CAMK2D: variants seen among roughly 807,000 people sequenced by gnomAD.
CAMK2D encodes calcium/calmodulin dependent protein kinase II delta.
A neutral mutation model predicts 84.0 loss-of-function variants in CAMK2D; 37 were observed. That is an observed-to-expected ratio of 0.44 (90% CI 0.34 to 0.58). CAMK2D has a LOEUF of 0.58. Ranked by LOEUF, CAMK2D falls within the 20% of genes least tolerant of loss-of-function variation. The probability of loss-of-function intolerance (pLI) is 0.02; values close to 1 mark genes in which losing one functional copy is unlikely to be tolerated. For missense variants in CAMK2D, 448 were observed against 652.5 expected (o/e 0.69, Z 3.41); for synonymous variants, 202 against 212.5 (o/e 0.95, Z 0.43).
chr4:113,568,613 C>T (rs1176741407), intron 4 of CAMK2D, among the ~76,000 whole-genome samples: 13 of 152,162 alleles, frequency 8.5e-5, no homozygotes, highest in South Asian at 2.1e-4. Context: ...CTAGATCATA[C>T]GGTAATTCTA....
At chr4:113,681,270 A>G (rs916450047) in intron 2 of CAMK2D, among the ~76,000 whole-genome samples, 3 of 152,162 alleles carry the variant, frequency 2.0e-5, no homozygotes, top group African/African-American at 7.2e-5. Context: ...TGTCAGGGGA[A>G]GGACCTGGTG....
In CAMK2D at chr4:113,451,666, T is replaced by C. The variant is rs887019992; in HGVS notation, c.*2879A>G. ...CAACTATTTATCAATGATATCTCCA[T>C]TCCTGGCCTTGGTTTGGGTTTAGGA... On this transcript the variant is annotated 3_prime_UTR_variant, in exon 21 of 21. Coordinates refer to ENST00000511664, the MANE Select transcript of CAMK2D (RefSeq NM_001321571.2). 1.3e-5 allele frequency: 2 copies of C among 152,220 alleles called. No individual in the cohort carries two copies. Among genetic ancestry groups the C allele is most frequent in the African/African-American group, 4.8e-5 (2 of 41,466 alleles). The allele number at this position is 152,220 out of a possible 1,614,324, so 9.4% of individuals were successfully genotyped here. A position where few individuals can be genotyped will look rare whatever the true frequency, so the allele number is the denominator to read the frequency against.
At chr4:113,547,820 G>A (rs1281048266) in intron 5 of CAMK2D, 104 bp from the exon 6 acceptor site, 1 of 611,760 alleles carries the variant, frequency 1.6e-6, no homozygotes, top group Non-Finnish European at 2.8e-6. Context: ...CAGACAACTG[G>A]GGTTGTATTG....
chr4:113,453,285 T>C lies in CAMK2D; in HGVS notation c.*1260A>G, dbSNP rs770234725. ...AAAACACTTATGAGAATGGCAAACA[T>C]TTGTAAGCCTCTCTAACACTAGAAA... On this transcript the variant is annotated 3_prime_UTR_variant, in exon 21 of 21. Transcript: ENST00000511664. The C allele has an allele frequency of 6.6e-6, 1 of 152,114 alleles. No individual in the cohort carries two copies. The highest frequency in any genetic ancestry group is 1.5e-5 in the Non-Finnish European group (1 of 68,018). The allele number at this position is 152,114 out of a possible 1,614,324, so 9.4% of individuals were successfully genotyped here.
chr4:113,461,637 A>G (rs2154106353), intron 17 of CAMK2D, among the ~76,000 whole-genome samples: 1 of 152,254 alleles, frequency 6.6e-6, no homozygotes, highest in Admixed American at 6.5e-5. Flanking sequence ...AGAGAAGGTG[A>G]CAAGACCTGG....
chr4:113,533,701 T>C (rs2098472312), intron 7 of CAMK2D, among the ~76,000 whole-genome samples: 1 of 151,990 alleles, frequency 6.6e-6, no homozygotes, highest in East Asian at 1.9e-4. Flanking sequence ...AGAAATGTAT[T>C]GCAAATAACA....
At chr4:113,717,749 G>A (rs566015423) in intron 2 of CAMK2D, among the ~76,000 whole-genome samples, 6 of 151,856 alleles carry the variant, frequency 4.0e-5, no homozygotes, top group East Asian at 1.9e-4. Context: ...TATTTCCTTC[G>A]TAATAGTCTT....
chr4:113,513,604 T>G (rs926769998), intron 11 of CAMK2D, among the ~76,000 whole-genome samples: 8 of 152,208 alleles, frequency 5.3e-5, no homozygotes, highest in African/African-American at 1.9e-4. Context: ...ACAGCTGTTT[T>G]CCACTGAAGG....
intron 2 of CAMK2D, among the ~76,000 whole-genome samples, chr4:113,716,022 A>G (rs1480790323): frequency 1.3e-5 from 2 of 152,204 alleles, no homozygotes; most frequent in Admixed American, 6.5e-5. Flanking sequence ...TATTTCAGGT[A>G]CTAGGCTTCT....
chr4:113,612,905 T>C (rs1444951709), intron 3 of CAMK2D, among the ~76,000 whole-genome samples: 1 of 152,206 alleles, frequency 6.6e-6, no homozygotes, highest in African/African-American at 2.4e-5. Context: ...GCATGTATTA[T>C]CACATTTGAA....
intron 2 of CAMK2D, among the ~76,000 whole-genome samples, chr4:113,707,902 C>A (rs2099466906): frequency 6.6e-6 from 1 of 152,168 alleles, no homozygotes; most frequent in Non-Finnish European, 1.5e-5. Context: ...GCATCTGATA[C>A]CAATTCTCTG....
At chr4:113,466,113 G>A (rs2097459429) in intron 16 of CAMK2D, among the ~76,000 whole-genome samples, 1 of 151,566 alleles carries the variant, frequency 6.6e-6, no homozygotes, top group Non-Finnish European at 1.5e-5. Flanking sequence ...AAAATTAGCC[G>A]GGCTTGGTGG....
intron 4 of CAMK2D, among the ~76,000 whole-genome samples, chr4:113,600,092 T>C (rs2098945418): frequency 6.6e-6 from 1 of 152,194 alleles, no homozygotes; most frequent in South Asian, 2.1e-4. Flanking sequence ...AAGGTAAAGC[T>C]ATGGAGACAG....
intron 12 of CAMK2D, 33 bp downstream of exon 12, chr4:113,513,295 A>G (rs1206459551): frequency 6.2e-7 from 1 of 1,606,706 alleles, no homozygotes; most frequent in East Asian, 2.2e-5. Context: ...AAGAAGACCA[A>G]GGGATAAGAA....
Position 113,547,661 on chromosome 4 carries a change from C to G in CAMK2D, c.397G>C (p.Val133Leu), listed in dbSNP as rs1286326686. 6.4e-7 allele frequency: 1 copy of G among 1,568,520 alleles called. No homozygotes were observed. The change falls in exon 6 of 21, where the codon GTC (valine) becomes CTC (leucine). Residue 133 changes from valine (V) to leucine (L), a missense_variant. Physicochemically the swap from Val to Leu is conservative, Grantham distance 32. This residue lies in a region of CAMK2D where 60 missense variants were observed against 70.0 expected (regional missense o/e 0.86). Transcript: ENST00000511664. ...AVLHCHQMGV[V>L]HRDLKPENLL... Reference sequence around the variant, plus strand: ...TTACTCACCTTCAGGTCCCGATGGACCACGCCCATCTGATGGCAGTGTAGC... The same window carrying G: ...TTACTCACCTTCAGGTCCCGATGGAGCACGCCCATCTGATGGCAGTGTAGC...
At chr4:113,462,294 GTCTGTCTGTCTGTCTGTC>G (rs1454236158) in intron 17 of CAMK2D, among the ~76,000 whole-genome samples, 221 of 129,316 alleles carry the variant, frequency 1.7e-3, no homozygotes, top group African/African-American at 4.3e-3. Context: ...GTGTGTGTGT[GTCTGTCTGTCTGTCTGTC>G]TGTCTGTCTG....
intron 4 of CAMK2D, among the ~76,000 whole-genome samples, chr4:113,569,231 A>T (rs190455618): frequency 5.9e-5 from 9 of 152,122 alleles, no homozygotes; most frequent in Non-Finnish European, 7.4e-5. Flanking sequence ...AAAGGTTTTT[A>T]ATTTTGATGA....
chr4:113,641,534 C>A (rs1456774486), intron 3 of CAMK2D, among the ~76,000 whole-genome samples: 1 of 152,140 alleles, frequency 6.6e-6, no homozygotes, highest in Non-Finnish European at 1.5e-5. Flanking sequence ...ATTCTCTAGA[C>A]CTGTTACGAA....
Position 113,517,595 on chromosome 4 carries a change from G to T in CAMK2D, c.664C>A (p.Leu222Ile). 6.3e-7 allele frequency: 1 copy of T among 1,585,650 alleles called. No individual in the cohort carries two copies. The highest frequency in any genetic ancestry group is 8.7e-7 in the Non-Finnish European group (1 of 1,154,604). The change falls in exon 9 of 21, where the codon CTC becomes ATC. Residue 222 changes from leucine to isoleucine, a missense_variant. This residue lies in a region of CAMK2D where 69 missense variants were observed against 175.6 expected (regional missense o/e 0.39). Transcript: ENST00000511664. Reference protein sequence around the residue: ...PPFWDEDQHRLYQQIKAGAYD... With the variant: ...PPFWDEDQHRIYQQIKAGAYD... ...GCTCCAGCCTTGATCTGCTGATAGA[G>T]TCTGTGTTGGTCTTCATCCCAGAAG...
Sources: gnomAD v4.1 joint callset for allele counts (sites outside exome capture counted in the v4.1 genomes callset) on GRCh38, gnomAD v4.1.1 for gene constraint, gnomAD v4.1.1 regional missense constraint, MANE v1.5 for transcripts, NCBI Gene and HGNC (gene_info 2026-07-23, HGNC 2026-07-21) for gene names.